BIRC6: variants seen among roughly 807,000 people sequenced by gnomAD.
The protein encoded by BIRC6 is dual E2 ubiquitin-conjugating enzyme/E3 ubiquitin-protein ligase BIRC6.
A neutral mutation model predicts 503.3 loss-of-function variants in BIRC6; 98 were observed. The ratio of observed to expected loss-of-function variants is 0.19; its 90% confidence interval spans 0.17 to 0.23. The LOEUF (loss-of-function observed/expected upper bound fraction) is 0.23, where lower values mean the gene tolerates loss of function less well. Among genes scored for constraint, BIRC6 ranks in the 10% least tolerant of loss-of-function variants. BIRC6 has a pLI of 1.00. For synonymous variants in BIRC6, 2,240 were observed against 2,078.7 expected, an observed-to-expected ratio of 1.08 and a Z score of -2.11; for missense variants, 5,360 against 5,806.0, an observed-to-expected ratio of 0.92 and a Z score of 2.50.
rs894626805 is a variant in BIRC6 at position 32,429,313 on chromosome 2, T to A, written c.3022+18T>A. 3 of 1,451,136 alleles carry A rather than the reference T, an allele frequency of 2.1e-6. No homozygotes were observed. Among genetic ancestry groups the A allele is most frequent in the Non-Finnish European group, 2.7e-6 (3 of 1,094,614 alleles). 89.9% of individuals were successfully genotyped at this position (1,451,136 alleles called of 1,614,324 possible). A position where few individuals can be genotyped will look rare whatever the true frequency, so the allele number is the denominator to read the frequency against. On this transcript the variant is annotated intron_variant, in intron 11 of 73. Transcript: ENST00000421745. ...CATTTCAGGTATGATATTAAATTTT[T>A]AAATGATTTTAAAAAAAGAATAGGT...
intron 59 of BIRC6, chr2:32,527,114 C>T (rs2056336936): frequency 6.6e-6 from 1 of 152,208 alleles, no homozygotes; most frequent in Non-Finnish European, 1.5e-5. Context: ...TAAGTACAAA[C>T]ATGCTCTGAT....
intron 66 of BIRC6, among the ~76,000 whole-genome samples, chr2:32,589,527 A>C (rs2061273509): frequency 6.6e-6 from 1 of 152,196 alleles, no homozygotes; most frequent in South Asian, 2.1e-4. Context: ...ATTTCTGTTG[A>C]AAAACACTCT....
chr2:32,381,563 C>G (rs1408822661), intron 3 of BIRC6, among the ~76,000 whole-genome samples: 1 of 110,692 alleles, frequency 9.0e-6, no homozygotes, highest in East Asian at 2.6e-4. Flanking sequence ...TTTTTTGGTT[C>G]GAGACAGAGT....
At chr2:32,589,994 A>G (rs560761539) in intron 66 of BIRC6, among the ~76,000 whole-genome samples, 1 of 152,200 alleles carries the variant, frequency 6.6e-6, no homozygotes, top group Non-Finnish European at 1.5e-5. Flanking sequence ...TGGTACTTCC[A>G]CTTAGAGATT....
In BIRC6 at chr2:32,377,785, T is replaced by A; in HGVS notation, c.507+16T>A. 1 of 1,600,528 alleles carries A rather than the reference T, an allele frequency of 6.2e-7. No homozygotes were observed. The highest frequency in any genetic ancestry group is 1.1e-5 in the South Asian group (1 of 89,154). ...CGTTACAGAGGTAAGTTGAAATAAG[T>A]ATCAATGTGGTCCTCTACTTAATGT... On this transcript the variant is annotated intron_variant, in intron 2 of 73. Transcript: ENST00000421745.
intron 1 of BIRC6, among the ~76,000 whole-genome samples, chr2:32,372,225 C>T (rs1484246843): frequency 1.3e-5 from 2 of 151,872 alleles, no homozygotes; most frequent in African/African-American, 4.8e-5. Flanking sequence ...TGATGTAACC[C>T]ACCATCACAG....
Position 32,515,775 on chromosome 2 carries a change from G to A in BIRC6, c.11349+5G>A, listed in dbSNP as rs1252995051. On this transcript the variant is annotated splice_donor_5th_base_variant and intron_variant, in intron 55 of 73. Transcript: ENST00000421745. ...AATCAAAAGCTGATGGCACAGGTAAGACAAAAAAATAACTTACATTTTAGT... is the reference window on the plus strand; with the variant it reads ...AATCAAAAGCTGATGGCACAGGTAAAACAAAAAAATAACTTACATTTTAGT... 3.8e-6 allele frequency: 6 copies of A among 1,580,352 alleles called. No individual in the cohort carries two copies. The South Asian group carries it at 4.5e-5, about 12-fold the overall frequency.
intron 53 of BIRC6, 111 bp from the exon 54 acceptor site, chr2:32,512,822 G>T: frequency 1.3e-6 from 1 of 747,062 alleles, no homozygotes; most frequent in Non-Finnish European, 2.2e-6. Flanking sequence ...AAAACAATTA[G>T]TGCATTATTC....
rs1426066865 is a variant in BIRC6, at chr2:32,357,232, G to T, written c.71G>T (p.Ser24Ile). Residue 24 changes from serine (S) to isoleucine (I), a missense_variant, in exon 1 of 74, where the codon AGC becomes ATC. This residue lies in a region of BIRC6 where 145 missense variants were observed against 106.9 expected (regional missense o/e 1.36). Transcript: ENST00000421745. This position sits in a 1 kb window ranked among gnomAD's most constrained non-coding sequence, Gnocchi z 4.9. ...TEPLPSVIVL[S>I]AGRKMAAAAA... ...CCGCTTCCCAGTGTGATTGTGCTGAGCGCAGGCCGGAAGATGGCGGCTGCG... is the reference window on the plus strand; with the variant it reads ...CCGCTTCCCAGTGTGATTGTGCTGATCGCAGGCCGGAAGATGGCGGCTGCG... 6.5e-7 allele frequency: 1 copy of T among 1,528,580 alleles called. No individual in the cohort carries two copies. Among genetic ancestry groups the T allele is most frequent in the Admixed American group, 2.1e-5 (1 of 48,084 alleles). The allele number at this position is 1,528,580 out of a possible 1,614,324, so 94.7% of individuals were successfully genotyped here.
chr2:32,555,159 T>A (rs1414943164), intron 65 of BIRC6, among the ~76,000 whole-genome samples: 3 of 152,198 alleles, frequency 2.0e-5, no homozygotes, highest in African/African-American at 7.2e-5. Flanking sequence ...TATTTATAGT[T>A]TTCATGGTAA....
At chr2:32,548,287 T>C (rs1371497848) in intron 64 of BIRC6, among the ~76,000 whole-genome samples, 1 of 150,620 alleles carries the variant, frequency 6.6e-6, no homozygotes. Context: ...CCTACAGGCA[T>C]TTTCTTGTTT....
intron 72 of BIRC6, among the ~76,000 whole-genome samples, chr2:32,610,005 T>C (rs1470039011): frequency 2.0e-5 from 3 of 152,216 alleles, no homozygotes; most frequent in Admixed American, 2.0e-4. Context: ...TTTTGTTTAT[T>C]GTTGTTCTTT....
chr2:32,531,893 G>C (rs149440820), intron 61 of BIRC6, among the ~76,000 whole-genome samples: 1 of 152,182 alleles, frequency 6.6e-6, no homozygotes, highest in Non-Finnish European at 1.5e-5. Context: ...TAAAATAGCA[G>C]TGTATACTGC....
chr2:32,481,172 A>T, intron 37 of BIRC6, 148 bp from the exon 38 acceptor site: 1 of 600,712 alleles, frequency 1.7e-6, no homozygotes, highest in Non-Finnish European at 2.7e-6. Context: ...ATCGTGTATT[A>T]TGGAGCGAAA....
chr2:32,408,479 T>C (rs1024474114), intron 9 of BIRC6, among the ~76,000 whole-genome samples: 1 of 152,214 alleles, frequency 6.6e-6, no homozygotes, highest in Non-Finnish European at 1.5e-5. Flanking sequence ...GGCTTCAGTT[T>C]TTCCTTTGTA....
At chr2:32,389,087 T>C (rs894644768) in intron 4 of BIRC6, 144 bp downstream of exon 4, 1 of 586,390 alleles carries the variant, frequency 1.7e-6, no homozygotes, top group Non-Finnish European at 2.6e-6. Flanking sequence ...AAAATCAATA[T>C]GAATTAGAAT....
intron 46 of BIRC6, among the ~76,000 whole-genome samples, chr2:32,501,313 T>G (rs866480338): frequency 6.6e-6 from 1 of 152,174 alleles, no homozygotes; most frequent in African/African-American, 2.4e-5. Context: ...TGTCCTCTCT[T>G]CTTGATGTAT....
At position 32,439,584 on chromosome 2, in the gene BIRC6, T is replaced by C. The variant is rs2045168830; in HGVS notation, c.3708T>C (p.Cys1236=). 2.5e-6 allele frequency: 4 copies of C among 1,613,912 alleles called. No homozygotes were observed. The East Asian group carries it at 8.9e-5, about 36-fold the overall frequency. The part of the protein sequence containing the change: ...AVNERGTEEI[C]NGGMRPVVRL... ...ATGAAAGAGGAACAGAAGAGATTTGTAATGGTGGTATGCGTCCTGTAGTAA... is the reference window on the plus strand; with the variant it reads ...ATGAAAGAGGAACAGAAGAGATTTGCAATGGTGGTATGCGTCCTGTAGTAA... The change falls in exon 16 of 74, where the codon TGT becomes TGC. Residue 1236 remains cysteine (C), a synonymous_variant. Transcript: ENST00000421745.
intron 67 of BIRC6, among the ~76,000 whole-genome samples, chr2:32,594,702 A>ATG (rs2061572074): frequency 2.0e-5 from 3 of 148,960 alleles, no homozygotes; most frequent in African/African-American, 5.1e-5. Context: ...GTTTCCAGAT[A>ATG]GATGGATGGA....
Sources: allele counts gnomAD v4.1 joint callset (sites outside exome capture counted in the v4.1 genomes callset), GRCh38; gene constraint gnomAD v4.1.1; regional missense constraint gnomAD v4.1.1; non-coding constraint Gnocchi (gnomAD v3.1); transcripts MANE v1.5; gene names NCBI Gene and HGNC (gene_info 2026-07-23, HGNC 2026-07-21).